The following NRG1 variants were observed in gnomAD, a reference collection of about 807,000 sequenced individuals.
NRG1 encodes the protein neuregulin 1, also known as pro-neuregulin-1, membrane-bound isoform.
NRG1 carries 18 observed loss-of-function variants against 63.8 expected under a neutral mutation model. That is an observed-to-expected ratio of 0.28 (90% CI 0.19 to 0.42). The LOEUF (loss-of-function observed/expected upper bound fraction) is 0.42, where lower values mean the gene tolerates loss of function less well. Among genes scored for constraint, NRG1 ranks in the 10% least tolerant of loss-of-function variants. The pLI is 1.00. For synonymous variants in NRG1, 302 were observed against 301.3 expected, an observed-to-expected ratio of 1.00 and a Z score of -0.02; for missense variants, 762 against 814.7, an observed-to-expected ratio of 0.94 and a Z score of 0.79.
rs35033032 is a variant in NRG1 at position 32,243,434 on chromosome 8, GAAA to G, written c.38-352381_38-352379del. On this transcript the variant is annotated intron_variant, in intron 1 of 10. Coordinates refer to the NRG1 transcript ENST00000519301. ...GACAGAGTAAGACTCTGTCTCAAAA[GAAA>G]AAAAAAAAAAAAGGGCATTAGTCAT... is the stretch of plus-strand genomic sequence containing the variant. Among the ~76,000 whole-genome samples, 37 of 133,488 alleles carry G rather than the reference GAAA, an allele frequency of 2.8e-4. 2 individuals are homozygous for G. Among genetic ancestry groups the G allele is most frequent in the African/African-American group, 6.8e-4 (25 of 36,778 alleles). 87.6% of individuals were successfully genotyped at this position (133,488 alleles called of 152,430 possible). A position where few individuals can be genotyped will look rare whatever the true frequency, so the allele number is the denominator to read the frequency against.
chr8:32,360,753 A>T (rs978130735), intron 1 of NRG1, among the ~76,000 whole-genome samples: 1 of 152,192 alleles, frequency 6.6e-6, no homozygotes, highest in Non-Finnish European at 1.5e-5. Flanking sequence ...AGCAAGGCCC[A>T]CGTCTTCCTG....
intron 1 of NRG1, among the ~76,000 whole-genome samples, chr8:32,119,919 A>C (rs1295732177): frequency 6.6e-6 from 1 of 152,126 alleles, no homozygotes; most frequent in Non-Finnish European, 1.5e-5. Flanking sequence ...TCTAAAAAAT[A>C]CAATTGATTA....
At position 32,025,944 on chromosome 8, in the gene NRG1, TA is replaced by T. The variant is rs71208160; in HGVS notation, c.37+386532del. Among the ~76,000 whole-genome samples, 519 of 113,440 alleles carry T rather than the reference TA, an allele frequency of 4.6e-3. 2 individuals are homozygous for T. Among genetic ancestry groups the T allele is most frequent in the African/African-American group, 0.012 (361 of 28,936 alleles). 74.4% of individuals were successfully genotyped at this position (113,440 alleles called of 152,430 possible). A position where few individuals can be genotyped will look rare whatever the true frequency, so the allele number is the denominator to read the frequency against. On this transcript the variant is annotated intron_variant, in intron 1 of 10. Coordinates refer to the NRG1 transcript ENST00000519301. ...CTGGCCGAGAGAGCGAGACTCCGTC[TA>T]AAAAAAAAAAAAAAAAAAGTGAAGA...
At chr8:32,469,694 G>A (rs1364312533) in intron 1 of NRG1, among the ~76,000 whole-genome samples, 7 of 152,176 alleles carry the variant, frequency 4.6e-5, no homozygotes. Context: ...TTAGGGAATG[G>A]GGTGAGACCC....
chr8:32,103,605 C>T (rs1830856966), intron 1 of NRG1, among the ~76,000 whole-genome samples: 1 of 152,134 alleles, frequency 6.6e-6, no homozygotes, highest in Non-Finnish European at 1.5e-5. Flanking sequence ...TTGGGGAAAT[C>T]CCAAACTGCT....
intron 5 of NRG1, among the ~76,000 whole-genome samples, chr8:32,651,734 A>G (rs1855172187): frequency 6.6e-6 from 1 of 152,178 alleles, no homozygotes; most frequent in African/African-American, 2.4e-5. Context: ...CAAAAGATCA[A>G]CATGATGAGT....
intron 1 of NRG1, among the ~76,000 whole-genome samples, chr8:32,048,275 ATG>A (rs1821341619): frequency 6.7e-6 from 1 of 150,318 alleles, no homozygotes; most frequent in African/African-American, 2.5e-5. Flanking sequence ...ATGTATATAT[ATG>A]TATACATACA....
At chr8:32,632,642 T>A (rs896472240) in intron 5 of NRG1, among the ~76,000 whole-genome samples, 2 of 151,826 alleles carry the variant, frequency 1.3e-5, no homozygotes, top group African/African-American at 4.9e-5. Context: ...TTGATTTAGA[T>A]GTTGATGAGA....
At chr8:32,365,115 T>C (rs950002006) in intron 1 of NRG1, among the ~76,000 whole-genome samples, 3 of 151,996 alleles carry the variant, frequency 2.0e-5, no homozygotes, top group East Asian at 3.9e-4. Flanking sequence ...CTTGAACTCC[T>C]GAGCTCATGC....
At chr8:32,374,559 A>G (rs1809367538) in intron 1 of NRG1, among the ~76,000 whole-genome samples, 1 of 152,196 alleles carries the variant, frequency 6.6e-6, no homozygotes, top group African/African-American at 2.4e-5. Context: ...TAGCAAATAA[A>G]TGACTGTGAA....
downstream of NRG1, among the ~76,000 whole-genome samples, chr8:32,769,786 G>A (rs1285928226): frequency 6.6e-6 from 1 of 152,136 alleles, no homozygotes; most frequent in African/African-American, 2.4e-5. Flanking sequence ...TGTTGAATAG[G>A]GTGGTCATGC....
At chr8:32,491,751 G>A (rs964279738) in intron 1 of NRG1, among the ~76,000 whole-genome samples, 8 of 152,202 alleles carry the variant, frequency 5.3e-5, no homozygotes, top group African/African-American at 1.9e-4. Context: ...CACAATGGAA[G>A]ATCCACAATA....
chr8:32,189,916 TC>T, intron 1 of NRG1, among the ~76,000 whole-genome samples: 1 of 152,280 alleles, frequency 6.6e-6, no homozygotes, highest in African/African-American at 2.4e-5. Context: ...GTAGGAGACA[TC>T]ATCAGTGCTC....
chr8:32,565,614 G>A (rs1170478566), intron 1 of NRG1, among the ~76,000 whole-genome samples: 1 of 152,116 alleles, frequency 6.6e-6, no homozygotes, highest in Non-Finnish European at 1.5e-5. Flanking sequence ...TCATTTCAAG[G>A]ACTGTTTTCC....
rs148920827 is a variant in NRG1, at chr8:31,786,800, G to A, written c.37+147369G>A. 7.3e-3 allele frequency among the ~76,000 whole-genome samples: 1,113 copies of A among 152,244 alleles called. 8 individuals carry two copies. Among genetic ancestry groups the A allele is most frequent in the Non-Finnish European group, 9.5e-3 (648 of 68,020 alleles). ...CAGAGCTTCTATGCCCTTCCTGGGT[G>A]GGCCGTCCTCCAGGAAACTCTGTAT... On this transcript the variant is annotated intron_variant, in intron 1 of 10. Transcript: ENST00000519301.
chr8:32,199,692 T>A (rs780312908), intron 1 of NRG1, among the ~76,000 whole-genome samples: 1 of 152,216 alleles, frequency 6.6e-6, no homozygotes, highest in Admixed American at 6.5e-5. Flanking sequence ...TTCTAATCCT[T>A]TGTATTTTGT....
chr8:31,674,592 A>G (rs1045364772), intron 1 of NRG1, among the ~76,000 whole-genome samples: 1 of 151,434 alleles, frequency 6.6e-6, no homozygotes, highest in African/African-American at 2.4e-5. Flanking sequence ...CTTTAACCCA[A>G]TACTCATGCC....
chr8:32,594,157 G>T (rs1299059878), intron 1 of NRG1, among the ~76,000 whole-genome samples: 4 of 152,160 alleles, frequency 2.6e-5, no homozygotes, highest in Non-Finnish European at 5.9e-5. Context: ...AACAAATAGA[G>T]TTCCCTGAGT....
chr8:31,763,427 A>G (rs1817743659), intron 1 of NRG1, among the ~76,000 whole-genome samples: 1 of 152,202 alleles, frequency 6.6e-6, no homozygotes, highest in African/African-American at 2.4e-5. Flanking sequence ...TGTTGCATCT[A>G]CAAGCTGGGT....
Sources: allele counts gnomAD v4.1 joint callset (sites outside exome capture counted in the v4.1 genomes callset), GRCh38; gene constraint gnomAD v4.1.1; transcripts MANE v1.5; gene names NCBI Gene and HGNC (gene_info 2026-07-23, HGNC 2026-07-21).